Variants in PHLDB2 observed in about 807,000 individuals in gnomAD.
The protein encoded by PHLDB2 is pleckstrin homology-like domain family B member 2.
Under a neutral mutation model 123.6 loss-of-function variants are expected in PHLDB2, and 71 were observed. The observed-to-expected ratio is 0.57, with a 90% CI of 0.47 to 0.70. The LOEUF (loss-of-function observed/expected upper bound fraction) is 0.70, where lower values mean the gene tolerates loss of function less well. Ranked by LOEUF, PHLDB2 falls within the 30% of genes least tolerant of loss-of-function variation. The pLI, the probability that PHLDB2 is intolerant of heterozygous loss-of-function variation, is 0.00. For missense variants in PHLDB2, 1,446 were observed against 1,519.5 expected (o/e 0.95, Z 0.80); for synonymous variants, 547 against 541.6 (o/e 1.01, Z -0.14).
At chr3:111,963,418 T>C (rs2071545697) in intron 13 of PHLDB2, among the ~76,000 whole-genome samples, 1 of 152,238 alleles carries the variant, frequency 6.6e-6, no homozygotes, top group Non-Finnish European at 1.5e-5. Context: ...AATACTCTTC[T>C]ATAAGCCAGT....
Position 111,975,781 on chromosome 3 carries a change from G to T in PHLDB2, c.*1218G>T, listed in dbSNP as rs1286550385. The T allele has an allele frequency of 1.3e-5, 2 of 152,544 alleles. No individual in the cohort carries two copies. 9.4% of individuals were successfully genotyped at this position (152,544 alleles called of 1,614,324 possible). A position where few individuals can be genotyped will look rare whatever the true frequency, so the allele number is the denominator to read the frequency against. ...TTTGCATGTTTGAAAGTATGAATGT[G>T]CTCTTTCCTAAAACATGGCAAATGA... On this transcript the variant is annotated 3_prime_UTR_variant, in exon 18 of 18. Transcript: ENST00000431670.
At chr3:111,810,266 C>A (rs2061770969) in intron 1 of PHLDB2, among the ~76,000 whole-genome samples, 1 of 152,086 alleles carries the variant, frequency 6.6e-6, no homozygotes, top group Non-Finnish European at 1.5e-5. Context: ...ACCATATTAC[C>A]GTGTGTTTTC....
intron 1 of PHLDB2, among the ~76,000 whole-genome samples, chr3:111,821,771 C>A (rs1308356323): frequency 3.3e-5 from 5 of 152,198 alleles, no homozygotes; most frequent in Non-Finnish European, 5.9e-5. Flanking sequence ...TTCTTGAACA[C>A]AACAGCAGGT....
rs1559858181 is a variant in PHLDB2 at position 111,834,208 on chromosome 3, TGTAATAGA to T, written c.-48-11612_-48-11605del. 7.8e-3 allele frequency among the ~76,000 whole-genome samples: 363 copies of T among 46,492 alleles called. 36 individuals carry two copies. Among genetic ancestry groups the T allele is most frequent in the South Asian group, 0.012 (15 of 1,292 alleles). The allele number at this position is 46,492 out of a possible 152,430, so 30.5% of individuals were successfully genotyped here. A position where few individuals can be genotyped will look rare whatever the true frequency, so the allele number is the denominator to read the frequency against. On this transcript the variant is annotated intron_variant, in intron 1 of 17. Transcript: ENST00000393923. ...ATTATATATGTAATAGAATTATATA[TGTAATAGA>T]ATTATATATATATTATGTATATAAT... is the stretch of plus-strand genomic sequence containing the variant.
chr3:111,823,403 T>C (rs534339551), intron 1 of PHLDB2, among the ~76,000 whole-genome samples: 68 of 152,346 alleles, frequency 4.5e-4, no homozygotes, highest in African/African-American at 1.6e-3. Context: ...CACCATATCG[T>C]AGTGCTTGAA....
chr3:111,918,817 T>C (rs1469465822), intron 3 of PHLDB2, among the ~76,000 whole-genome samples: 1 of 152,238 alleles, frequency 6.6e-6, no homozygotes, highest in Non-Finnish European at 1.5e-5. Context: ...CTCTTAGTTC[T>C]TTTAGCTTCA....
chr3:111,948,866 A>AT, intron 9 of PHLDB2, 66 bp from the exon 10 acceptor site: 5 of 1,518,702 alleles, frequency 3.3e-6, no homozygotes, highest in Non-Finnish European at 4.5e-6. Flanking sequence ...TACTGGGAAC[A>AT]TTAATACTCT....
At chr3:111,750,951 A>G (rs1323960012) in intron 1 of PHLDB2, among the ~76,000 whole-genome samples, 1 of 133,930 alleles carries the variant, frequency 7.5e-6, no homozygotes, top group Admixed American at 7.0e-5. Flanking sequence ...CTGTCTCAAA[A>G]AAAAAAAAAA....
chr3:111,741,574 G>A (rs1048311339), intron 1 of PHLDB2, among the ~76,000 whole-genome samples: 24 of 151,930 alleles, frequency 1.6e-4, no homozygotes, highest in African/African-American at 5.3e-4. Context: ...TGTGTGTTAC[G>A]TGGAAAGAAT....
chr3:111,861,428 A>G (rs1309897131), intron 1 of PHLDB2, among the ~76,000 whole-genome samples: 1 of 152,226 alleles, frequency 6.6e-6, no homozygotes, highest in East Asian at 1.9e-4. Context: ...ATGACAAGGA[A>G]GAGTTGAGTT....
intron 1 of PHLDB2, chr3:111,859,927 T>G (rs1213949748): frequency 1.0e-6 from 1 of 982,846 alleles, no homozygotes; most frequent in Admixed American, 6.2e-5. Context: ...TTACAGGCTG[T>G]AGGGACAAAA....
chr3:111,865,609 C>T (rs544423958), intron 1 of PHLDB2, among the ~76,000 whole-genome samples: 19 of 152,192 alleles, frequency 1.2e-4, no homozygotes, highest in Non-Finnish European at 1.5e-5. Flanking sequence ...GGCGAATTGA[C>T]GTGCTCCAGA....
rs1280625885 is a variant in PHLDB2 at position 111,866,927 on chromosome 3, A to AGG, written c.-15+7354_-15+7355dup. ...CTCTCTTCCTTAACATAAGTTTCTA[A>AGG]GGGGTGTGTGTGTGTGTGTGTGTGT... is the stretch of plus-strand genomic sequence containing the variant. On this transcript the variant is annotated intron_variant, in intron 1 of 17. Coordinates refer to ENST00000431670, the MANE Select transcript of PHLDB2 (RefSeq NM_001134438.2). Among the ~76,000 whole-genome samples the AGG allele has an allele frequency of 5.0e-3, 257 of 51,690 alleles. 2 individuals carry two copies. Among genetic ancestry groups the AGG allele is most frequent in the Middle Eastern group, 0.017 (1 of 60 alleles). The allele number at this position is 51,690 out of a possible 152,430, so 33.9% of individuals were successfully genotyped here.
intron 1 of PHLDB2, among the ~76,000 whole-genome samples, chr3:111,868,771 G>C (rs1462892987): frequency 2.0e-5 from 3 of 152,170 alleles, no homozygotes; most frequent in African/African-American, 7.2e-5. Flanking sequence ...AATTTTGCAA[G>C]TGTGAGGAAA....
chr3:111,840,561 T>C (rs1396177950), intron 1 of PHLDB2, among the ~76,000 whole-genome samples: 1 of 152,154 alleles, frequency 6.6e-6, no homozygotes, highest in Non-Finnish European at 1.5e-5. Context: ...AGGAGAACAG[T>C]TTCCATGAAA....
chr3:111,895,574 G>A (rs529085837), intron 2 of PHLDB2, among the ~76,000 whole-genome samples: 3 of 152,276 alleles, frequency 2.0e-5, no homozygotes, highest in Non-Finnish European at 2.9e-5. Flanking sequence ...GAGGCCAGGC[G>A]TGTTGGCTCA....
At chr3:111,758,589 G>A (rs948891977) in intron 1 of PHLDB2, among the ~76,000 whole-genome samples, 1 of 152,150 alleles carries the variant, frequency 6.6e-6, no homozygotes, top group African/African-American at 2.4e-5. Flanking sequence ...TGCTTCAGCT[G>A]GTGCAGTGTG....
intron 1 of PHLDB2, chr3:111,859,841 G>A (rs2064721295): frequency 1.0e-6 from 1 of 986,026 alleles, no homozygotes; most frequent in African/African-American, 1.7e-5. Flanking sequence ...GGGCGGCGGC[G>A]CCAGCGTAGA....
At position 111,779,507 on chromosome 3, in the gene PHLDB2, T is replaced by G. The variant is rs555890240; in HGVS notation, c.-49+46804T>G. Reference sequence around the variant, plus strand: ...GGGAACATAACTGTATTTAGTTTTCTGTTTCTGCATTCTGTTTCTCCTGTT... The same window carrying G: ...GGGAACATAACTGTATTTAGTTTTCGGTTTCTGCATTCTGTTTCTCCTGTT... On this transcript the variant is annotated intron_variant, in intron 1 of 17. Coordinates refer to the PHLDB2 transcript ENST00000393923. Among the ~76,000 whole-genome samples, 8 of 152,248 alleles carry G rather than the reference T, an allele frequency of 5.3e-5. No homozygotes were observed. The South Asian group carries it at 6.2e-4, about 12-fold the overall frequency.
Sources: allele counts gnomAD v4.1 joint callset (sites outside exome capture counted in the v4.1 genomes callset), GRCh38; gene constraint gnomAD v4.1.1; transcripts MANE v1.5; gene names NCBI Gene and HGNC (gene_info 2026-07-23, HGNC 2026-07-21).